TMCO1: variants seen among roughly 807,000 people sequenced by gnomAD.
TMCO1 encodes the protein transmembrane and coiled-coil domains 1, also known as calcium load-activated calcium channel.
In TMCO1, 29 loss-of-function variants were observed where a neutral mutation model predicts 29.3. The ratio of observed to expected loss-of-function variants is 0.99; its 90% confidence interval spans 0.74 to 1.35. The LOEUF (loss-of-function observed/expected upper bound fraction) is 1.35, where lower values mean the gene tolerates loss of function less well. Among genes scored for constraint, TMCO1 ranks in the 40% most tolerant of loss-of-function variants. The pLI is 0.00. For missense variants in TMCO1, 173 were observed against 225.5 expected (o/e 0.77, Z 1.49); for synonymous variants, 80 against 77.1 (o/e 1.04, Z -0.20).
chr1:165,756,292 A>G (rs73014636), intron 3 of TMCO1, among the ~76,000 whole-genome samples: 2,019 of 152,228 alleles, frequency 0.013, 54 homozygotes, highest in African/African-American at 0.047. Flanking sequence ...TTAGGTGAAG[A>G]CAAAAGCTGA....
chr1:165,733,604 CA>C (rs1043798568), intron 6 of TMCO1, among the ~76,000 whole-genome samples: 5 of 146,120 alleles, frequency 3.4e-5, no homozygotes. Flanking sequence ...TCAAAAAAAA[CA>C]AAAAAAAAGA....
chr1:165,768,377 T>C, intron 1 of TMCO1, 108 bp from the exon 2 acceptor site: 1 of 1,486,510 alleles, frequency 6.7e-7, no homozygotes, highest in Non-Finnish European at 9.2e-7. Flanking sequence ...GCTTTGTATT[T>C]ACCCATAGTT....
At chr1:165,725,313 G>A (rs1419745170), downstream of TMCO1, 2 of 453,844 alleles carry the variant, frequency 4.4e-6, no homozygotes, top group African/African-American at 4.0e-5. Context: ...ATTGTCTGAT[G>A]TAATTTTAAG....
intron 6 of TMCO1, among the ~76,000 whole-genome samples, chr1:165,737,087 G>A (rs534062001): frequency 7.2e-4 from 110 of 152,288 alleles, no homozygotes; most frequent in African/African-American, 2.5e-3. Flanking sequence ...GAACAGGCAT[G>A]AGCCACCACA....
intron 6 of TMCO1, among the ~76,000 whole-genome samples, chr1:165,734,149 A>G (rs1651279856): frequency 6.6e-6 from 1 of 152,230 alleles, no homozygotes; most frequent in Admixed American, 6.5e-5. Context: ...CTATCAACAA[A>G]GCTGTATATA....
At chr1:165,759,672 A>C (rs1456132600) in intron 2 of TMCO1, 88 bp from the exon 3 acceptor site, 4 of 1,166,104 alleles carry the variant, frequency 3.4e-6, no homozygotes, top group Admixed American at 3.8e-5. Context: ...CCAATGAAAG[A>C]AGCTTGCAAG....
rs187435688 is a variant in TMCO1, at chr1:165,734,179, C to T, written c.469-6058G>A. On this transcript the variant is annotated intron_variant, in intron 6 of 6. Coordinates refer to ENST00000367881, the MANE Select transcript of TMCO1 (RefSeq NM_019026.6). ...TATATAAAATCTAATCACTTCAAAA[C>T]GACCCTTTCCAATATTACCAGGGCT... is the stretch of plus-strand genomic sequence containing the variant. 1.5e-3 allele frequency among the ~76,000 whole-genome samples: 236 copies of T among 152,262 alleles called. 4 individuals are homozygous for T. The highest frequency in any genetic ancestry group is 1.5e-3 in the Non-Finnish European group (102 of 68,022).
intron 5 of TMCO1, 77 bp downstream of exon 5, chr1:165,752,024 AC>A: frequency 2.6e-6 from 3 of 1,151,756 alleles, no homozygotes; most frequent in Non-Finnish European, 3.8e-6. Flanking sequence ...AAAATATTTT[AC>A]CCAAAAAGTT....
intron 6 of TMCO1, 95 bp from the exon 7 acceptor site, chr1:165,728,216 A>G (rs1438380132): frequency 9.7e-6 from 9 of 931,504 alleles, no homozygotes; most frequent in Non-Finnish European, 3.4e-6. Context: ...TCATACTCAT[A>G]TAGATTAAAG....
rs1323899981 is a variant in TMCO1, at chr1:165,760,449, AT to A, written c.149-866del. The stretch of plus-strand genomic sequence containing the variant: ...CTGTTTCTCAAAAAAAAAAAAAAAA[AT>A]ACCAATTTTTCTGATGCATTTCAAT... On this transcript the variant is annotated intron_variant, in intron 2 of 6. Coordinates refer to ENST00000367881, the MANE Select transcript of TMCO1 (RefSeq NM_019026.6). Among the ~76,000 whole-genome samples the A allele has an allele frequency of 4.9e-4, 70 of 142,052 alleles. No homozygotes were observed. In the South Asian group the frequency reaches 6.4e-3, roughly 13 times the overall value. The allele number at this position is 142,052 out of a possible 152,430, so 93.2% of individuals were successfully genotyped here. A position where few individuals can be genotyped will look rare whatever the true frequency, so the allele number is the denominator to read the frequency against.
chr1:165,730,485 A>C (rs73020516), intron 6 of TMCO1, among the ~76,000 whole-genome samples: 2,020 of 152,368 alleles, frequency 0.013, 53 homozygotes, highest in African/African-American at 0.047. Context: ...ACATACATTC[A>C]ACAATACTAT....
chr1:165,724,821 A>C, downstream of TMCO1: 1 of 453,982 alleles, frequency 2.2e-6, no homozygotes. Context: ...CAGATTACAC[A>C]TATTTTTTAA....
chr1:165,756,650 T>G (rs1294122722), intron 3 of TMCO1, among the ~76,000 whole-genome samples: 1 of 152,022 alleles, frequency 6.6e-6, no homozygotes, highest in Non-Finnish European at 1.5e-5. Flanking sequence ...CACTGCAGAT[T>G]AATGGTTCTC....
At chr1:165,737,759 T>G (rs1037755343) in intron 6 of TMCO1, among the ~76,000 whole-genome samples, 2 of 152,160 alleles carry the variant, frequency 1.3e-5, no homozygotes, top group Non-Finnish European at 2.9e-5. Flanking sequence ...AAAATATCCT[T>G]CAAGAATGAA....
downstream of TMCO1, chr1:165,724,798 T>G (rs1650784410): frequency 2.2e-6 from 1 of 453,846 alleles, no homozygotes; most frequent in South Asian, 1.6e-5. Flanking sequence ...TTCTTAGGTG[T>G]AAAAATGGTA....
At chr1:165,752,773 C>T (rs1052349804) in intron 4 of TMCO1, among the ~76,000 whole-genome samples, 8 of 151,086 alleles carry the variant, frequency 5.3e-5, no homozygotes, top group Non-Finnish European at 1.0e-4. Context: ...CTGCCCCAGG[C>T]GACAGAGTGA....
chr1:165,739,712 T>A (rs894745886), intron 6 of TMCO1, among the ~76,000 whole-genome samples: 1 of 150,728 alleles, frequency 6.6e-6, no homozygotes, highest in South Asian at 2.2e-4. Context: ...CTTAACAACA[T>A]TTATTTCATT....
chr1:165,766,012 A>T (rs1652551047), intron 2 of TMCO1, among the ~76,000 whole-genome samples: 1 of 152,256 alleles, frequency 6.6e-6, no homozygotes, highest in African/African-American at 2.4e-5. Flanking sequence ...ACTGGAGCTA[A>T]TGAAAAGTGG....
Position 165,743,150 on chromosome 1 carries a change from T to C in TMCO1, c.468+17A>G, listed in dbSNP as rs747213024. On this transcript the variant is annotated intron_variant, in intron 6 of 6. Coordinates refer to ENST00000367881, the MANE Select transcript of TMCO1 (RefSeq NM_019026.6). ...AAGGAAAAATATACATATTAAATGGTAGATGTGATCACTCACCTGTCGAAT... is the reference window on the plus strand; with the variant it reads ...AAGGAAAAATATACATATTAAATGGCAGATGTGATCACTCACCTGTCGAAT... 5 of 1,613,680 alleles carry C rather than the reference T, an allele frequency of 3.1e-6. No individual in the cohort carries two copies. The East Asian group carries it at 1.1e-4, about 36-fold the overall frequency.
Sources: gnomAD v4.1 joint callset for allele counts (sites outside exome capture counted in the v4.1 genomes callset) on GRCh38, gnomAD v4.1.1 for gene constraint, MANE v1.5 for transcripts, NCBI Gene and HGNC (gene_info 2026-07-23, HGNC 2026-07-21) for gene names.